The following SPRED1 variants were observed in gnomAD, a reference collection of about 807,000 sequenced individuals.
SPRED1 encodes sprouty-related, EVH1 domain-containing protein 1.
SPRED1 carries 18 observed loss-of-function variants against 52.3 expected under a neutral mutation model. The ratio of observed to expected loss-of-function variants is 0.34; its 90% CI spans 0.24 to 0.51. The LOEUF (loss-of-function observed/expected upper bound fraction) is 0.51. Ranked by LOEUF, SPRED1 falls within the 20% of genes least tolerant of loss-of-function variation. SPRED1 has a pLI of 0.97. For synonymous variants in SPRED1, 155 were observed against 179.7 expected (o/e 0.86, Z 1.10); for missense variants, 485 against 551.0 (o/e 0.88, Z 1.20).
intron 4 of SPRED1, among the ~76,000 whole-genome samples, chr15:38,338,638 G>C (rs1440235259): frequency 6.6e-6 from 1 of 152,016 alleles, no homozygotes; most frequent in Admixed American, 6.6e-5. Context: ...TACAATAACA[G>C]CTTTTAGTTT....
chr15:38,344,418 T>G (rs1896089069), intron 5 of SPRED1, among the ~76,000 whole-genome samples: 1 of 152,196 alleles, frequency 6.6e-6, no homozygotes, highest in Non-Finnish European at 1.5e-5. Flanking sequence ...GAAAAAGAAC[T>G]GAACTCTTCT....
At chr15:38,344,185 C>T (rs1331709793) in intron 5 of SPRED1, among the ~76,000 whole-genome samples, 2 of 152,046 alleles carry the variant, frequency 1.3e-5, no homozygotes, top group Non-Finnish European at 2.9e-5. Context: ...TATTGAGTGG[C>T]GGGCAGAAGA....
chr15:38,351,673 A>G lies in SPRED1; in HGVS notation c.*9A>G, dbSNP rs1267207801. 3 of 1,610,304 alleles carry G rather than the reference A, an allele frequency of 1.9e-6. No individual in the cohort carries two copies. Among genetic ancestry groups the G allele is most frequent in the African/African-American group, 1.3e-5 (1 of 74,944 alleles). On this transcript the variant is annotated 3_prime_UTR_variant, in exon 7 of 7. Coordinates refer to ENST00000299084, the MANE Select transcript of SPRED1 (RefSeq NM_152594.3). ...ATAAAGCTGCTGGATGAAATGGTCC[A>G]GTGCCAAAATGAGCTTAAAATCTTT...
chr15:38,281,559 A>ATTTTTTTTTT (rs542005244), intron 1 of SPRED1, among the ~76,000 whole-genome samples: 13 of 100,742 alleles, frequency 1.3e-4, no homozygotes, highest in Non-Finnish European at 2.1e-4. Context: ...TGCCCATCTA[A>ATTTTTTTTTT]TTTTTTTTTT....
intron 2 of SPRED1, among the ~76,000 whole-genome samples, 161 bp from the exon 3 acceptor site, chr15:38,322,080 C>T (rs1396239874): frequency 6.6e-6 from 1 of 152,004 alleles, no homozygotes; most frequent in Non-Finnish European, 1.5e-5. Context: ...CCATCTTAAT[C>T]TCTTTATTGA....
At chr15:38,279,972 GATAAA>G (rs1894653206) in intron 1 of SPRED1, among the ~76,000 whole-genome samples, 1 of 152,094 alleles carries the variant, frequency 6.6e-6, no homozygotes, top group African/African-American at 2.4e-5. Context: ...ATCTTGGAAT[GATAAA>G]ATAACTTGCT....
chr15:38,271,687 C>CT, intron 1 of SPRED1, among the ~76,000 whole-genome samples: 1 of 152,056 alleles, frequency 6.6e-6, no homozygotes, highest in East Asian at 1.9e-4. Context: ...TGATTCCCTG[C>CT]TAGAGGAAAT....
At chr15:38,321,653 A>G (rs1291422479) in intron 2 of SPRED1, among the ~76,000 whole-genome samples, 1 of 152,032 alleles carries the variant, frequency 6.6e-6, no homozygotes, top group East Asian at 1.9e-4. Flanking sequence ...GAGTGCAGTG[A>G]CGTGATCTCA....
At chr15:38,304,969 A>G (rs1446370923) in intron 2 of SPRED1, among the ~76,000 whole-genome samples, 1 of 152,068 alleles carries the variant, frequency 6.6e-6, no homozygotes, top group African/African-American at 2.4e-5. Flanking sequence ...ATATGTTGCT[A>G]AGTTTTTTTT....
chr15:38,295,741 C>T (rs554603032), intron 1 of SPRED1, among the ~76,000 whole-genome samples: 49 of 152,098 alleles, frequency 3.2e-4, no homozygotes, highest in African/African-American at 1.1e-3. Flanking sequence ...ATTATTTTAC[C>T]TCATAATTGA....
intron 5 of SPRED1, among the ~76,000 whole-genome samples, chr15:38,344,076 A>G (rs1186065661): frequency 3.3e-5 from 5 of 152,200 alleles, no homozygotes; most frequent in Non-Finnish European, 7.4e-5. Flanking sequence ...GGAACCCACC[A>G]GGAGTCATAC....
chr15:38,297,781 T>C (rs749892744), intron 1 of SPRED1, among the ~76,000 whole-genome samples: 5 of 152,190 alleles, frequency 3.3e-5, no homozygotes, highest in Admixed American at 1.3e-4. Flanking sequence ...ATATAGTGCT[T>C]GTTATGTGTC....
intron 1 of SPRED1, among the ~76,000 whole-genome samples, chr15:38,292,348 C>T (rs1361516879): frequency 1.3e-5 from 2 of 152,186 alleles, no homozygotes; most frequent in Admixed American, 6.5e-5. Context: ...CTGCCTGTTA[C>T]CCAGTTCCAA....
At position 38,324,766 on chromosome 15, in the gene SPRED1, G is replaced by T; in HGVS notation, c.380G>T (p.Cys127Phe). 1.2e-6 allele frequency: 2 copies of T among 1,608,100 alleles called. No individual in the cohort carries two copies. Among genetic ancestry groups the T allele is most frequent in the Non-Finnish European group, 1.7e-6 (2 of 1,177,176 alleles). Reference protein sequence around the residue: ...RRAIEDISQGCPESKNEAEGA... With the variant: ...RRAIEDISQGFPESKNEAEGA... ...TAACTTTTATCTATTTTCTTAGGAT[G>T]CCCCGAATCAAAAAATGAAGCTGAA... The change falls in exon 4 of 7, where the codon TGC (cysteine) becomes TTC (phenylalanine). Residue 127 changes from cysteine to phenylalanine, a missense_variant. Transcript: ENST00000299084.
chr15:38,303,156 A>G (rs377172140), intron 2 of SPRED1, among the ~76,000 whole-genome samples: 5 of 151,828 alleles, frequency 3.3e-5, no homozygotes, highest in African/African-American at 9.7e-5. Context: ...TGCACCTCCA[A>G]TGTGGGCAAC....
intron 1 of SPRED1, among the ~76,000 whole-genome samples, chr15:38,294,162 C>T (rs1894983589): frequency 6.6e-6 from 1 of 152,070 alleles, no homozygotes; most frequent in Non-Finnish European, 1.5e-5. Context: ...TAAATGCTTC[C>T]CTTTTCTCTT....
At chr15:38,343,588 G>A (rs765930868) in intron 5 of SPRED1, among the ~76,000 whole-genome samples, 4 of 152,104 alleles carry the variant, frequency 2.6e-5, no homozygotes, top group Admixed American at 6.6e-5. Flanking sequence ...AGTCTTAAAA[G>A]TGAGTAGAGA....
At chr15:38,275,194 A>G (rs1200825342) in intron 1 of SPRED1, among the ~76,000 whole-genome samples, 1 of 152,164 alleles carries the variant, frequency 6.6e-6, no homozygotes, top group Non-Finnish European at 1.5e-5. Flanking sequence ...ACATTTATTT[A>G]AGTATTAGTA....
At chr15:38,283,271 A>G (rs1317758578) in intron 1 of SPRED1, among the ~76,000 whole-genome samples, 5 of 152,164 alleles carry the variant, frequency 3.3e-5, no homozygotes, top group African/African-American at 9.7e-5. Flanking sequence ...AGAACTCACT[A>G]TCACAAGAAC....
Sources: allele counts gnomAD v4.1 joint callset (sites outside exome capture counted in the v4.1 genomes callset), GRCh38; gene constraint gnomAD v4.1.1; transcripts MANE v1.5; gene names NCBI Gene and HGNC (gene_info 2026-07-23, HGNC 2026-07-21).